KCNS3: variants seen among roughly 807,000 people sequenced by gnomAD.
KCNS3 encodes the protein potassium voltage-gated channel modifier subfamily S member 3, also known as delayed-rectifier potassium channel regulatory subunit KCNS3.
KCNS3 carries 13 observed loss-of-function variants against 31.0 expected under a neutral mutation model. The observed-to-expected ratio is 0.42, with a 90% confidence interval of 0.27 to 0.67. The LOEUF (loss-of-function observed/expected upper bound fraction) is 0.67, where lower values mean the gene tolerates loss of function less well. Ranked by LOEUF, KCNS3 falls within the 30% of genes least tolerant of loss-of-function variation. The probability of loss-of-function intolerance (pLI) is 0.25; values close to 1 mark genes in which losing one functional copy is unlikely to be tolerated. For synonymous variants in KCNS3, 238 were observed against 241.5 expected, an observed-to-expected ratio of 0.99 and a Z score of 0.13; for missense variants, 545 against 622.4, an observed-to-expected ratio of 0.88 and a Z score of 1.32.
intron 1 of KCNS3, among the ~76,000 whole-genome samples, chr2:17,885,293 C>T (rs1476105246): frequency 6.6e-6 from 1 of 152,122 alleles, no homozygotes; most frequent in Non-Finnish European, 1.5e-5. Context: ...CTCCTCCTTA[C>T]CTGGTCTTCT....
intron 2 of KCNS3, among the ~76,000 whole-genome samples, chr2:17,920,225 A>C (rs1260279664): frequency 3.3e-5 from 5 of 152,154 alleles, no homozygotes; most frequent in Admixed American, 6.5e-5. Context: ...CTGGGTTTTT[A>C]TTTACTTTTA....
rs181873424 is a variant in KCNS3, at chr2:17,889,230, G to C, written c.-252+10424G>C. Among the ~76,000 whole-genome samples, 346 of 152,140 alleles carry C rather than the reference G, an allele frequency of 2.3e-3. 2 individuals carry two copies. The highest frequency in any genetic ancestry group is 8.2e-3 in the African/African-American group (339 of 41,514). ...AGTTCTTGATTTGATTCTCCGCTTG[G>C]TCGCTGTTGGTGTATAGAAGAGCTA... On this transcript the variant is annotated intron_variant, in intron 1 of 2. Transcript: ENST00000304101.
chr2:17,931,596 G>C lies in KCNS3; in HGVS notation c.588G>C (p.Leu196=). The change falls in exon 3 of 3, where the codon CTG becomes CTC. Residue 196 remains leucine (L), a synonymous_variant. Transcript: ENST00000304101. This position sits in a 1 kb window ranked among gnomAD's most constrained non-coding sequence, Gnocchi z 5.4. ...LIAISSLSVV[L]ASIVAMCVHS... is the part of the protein sequence containing the mutation. Reference sequence around the variant, plus strand: ...CTATCTCCTCCTTGAGCGTGGTGCTGGCCTCCATCGTGGCCATGTGCGTTC... The same window carrying C: ...CTATCTCCTCCTTGAGCGTGGTGCTCGCCTCCATCGTGGCCATGTGCGTTC... 1.2e-6 allele frequency: 2 copies of C among 1,614,160 alleles called. No individual in the cohort carries two copies. Among genetic ancestry groups the C allele is most frequent in the Non-Finnish European group, 8.5e-7 (1 of 1,180,026 alleles).
At chr2:17,897,793 C>CA (rs1431020786) in intron 1 of KCNS3, among the ~76,000 whole-genome samples, 10 of 152,100 alleles carry the variant, frequency 6.6e-5, no homozygotes, top group African/African-American at 2.2e-4. Context: ...TCCCACTAGT[C>CA]AATTATTTTT....
intron 1 of KCNS3, among the ~76,000 whole-genome samples, chr2:17,892,578 G>A (rs1172213821): frequency 6.6e-6 from 1 of 152,146 alleles, no homozygotes; most frequent in South Asian, 2.1e-4. Context: ...TCAGAGGGAA[G>A]GTCTAGGGCT....
Position 17,932,550 on chromosome 2 carries a change from C to T in KCNS3, c.*66C>T, listed in dbSNP as rs1663028358. 6.7e-7 allele frequency: 1 copy of T among 1,494,790 alleles called. No homozygotes were observed. The highest frequency in any genetic ancestry group is 1.4e-5 in the African/African-American group (1 of 71,604). The allele number at this position is 1,494,790 out of a possible 1,614,324, so 92.6% of individuals were successfully genotyped here. ...ATTAGGTTAACACAGCTTTATAAAC[C>T]TCAGTGGGTTCGTTAAAATCATTTA... On this transcript the variant is annotated 3_prime_UTR_variant, in exon 3 of 3. Coordinates refer to ENST00000304101, the MANE Select transcript of KCNS3 (RefSeq NM_002252.5).
chr2:17,905,703 C>T (rs566665736), intron 1 of KCNS3, among the ~76,000 whole-genome samples: 1 of 152,274 alleles, frequency 6.6e-6, no homozygotes, highest in South Asian at 2.1e-4. Context: ...GCCTTTTCTG[C>T]ATCTATTGAG....
chr2:17,887,484 G>T (rs1347570497), intron 1 of KCNS3, among the ~76,000 whole-genome samples: 1 of 146,242 alleles, frequency 6.8e-6, no homozygotes, highest in African/African-American at 2.6e-5. Context: ...TCTATCATAT[G>T]ATCTATCTAT....
chr2:17,921,952 T>TAA (rs1662725174), intron 2 of KCNS3, among the ~76,000 whole-genome samples: 1 of 133,794 alleles, frequency 7.5e-6, no homozygotes. Flanking sequence ...TATATATATA[T>TAA]ATATATAAAT....
chr2:17,919,439 A>C (rs1443079703), intron 2 of KCNS3: 1 of 152,214 alleles, frequency 6.6e-6, no homozygotes, highest in Middle Eastern at 3.2e-3. Context: ...ATAGATGAAG[A>C]CTTCACCTGC....
At chr2:17,909,735 T>A (rs73918977) in intron 1 of KCNS3, among the ~76,000 whole-genome samples, 4,094 of 152,016 alleles carry the variant, frequency 0.027, 144 homozygotes, top group African/African-American at 0.08. Flanking sequence ...AGGCAGAGGG[T>A]TCAGCCACTG....
At chr2:17,893,707 G>A (rs1366024569) in intron 1 of KCNS3, among the ~76,000 whole-genome samples, 1 of 152,164 alleles carries the variant, frequency 6.6e-6, no homozygotes, top group Non-Finnish European at 1.5e-5. Flanking sequence ...GGGGGTGTGT[G>A]TTTGGGGGAG....
rs115442399 is a variant in KCNS3, at chr2:17,911,106, C to T, written c.-251-6574C>T. On this transcript the variant is annotated intron_variant, in intron 1 of 2. Transcript: ENST00000304101. ...TACTACCTATTCATGTAGCTGTCCC[C>T]GCTTCCTTATCTCGAGGGACTCTAC... Among the ~76,000 whole-genome samples the T allele has an allele frequency of 4.0e-3, 606 of 152,300 alleles. 3 individuals carry two copies. The highest frequency in any genetic ancestry group is 0.013 in the African/African-American group (535 of 41,552).
At chr2:17,903,683 C>T (rs1173430380) in intron 1 of KCNS3, among the ~76,000 whole-genome samples, 1 of 151,844 alleles carries the variant, frequency 6.6e-6, no homozygotes. Flanking sequence ...GTTCAGTTCC[C>T]ACCTATGAGT....
chr2:17,920,777 T>G (rs963289940), intron 2 of KCNS3, among the ~76,000 whole-genome samples: 1 of 152,226 alleles, frequency 6.6e-6, no homozygotes, highest in African/African-American at 2.4e-5. Context: ...CAGATGTGCC[T>G]GATTTTAGAC....
chr2:17,898,835 G>A (rs529776622), intron 1 of KCNS3, among the ~76,000 whole-genome samples: 1 of 152,266 alleles, frequency 6.6e-6, no homozygotes, highest in East Asian at 1.9e-4. Context: ...TACCTAGAGT[G>A]GGTCAAATTA....
chr2:17,886,582 C>T (rs1000914695), intron 1 of KCNS3, among the ~76,000 whole-genome samples: 1 of 152,256 alleles, frequency 6.6e-6, no homozygotes, highest in South Asian at 2.1e-4. Context: ...CAGGCTTGAG[C>T]TTCCATGACA....
intron 1 of KCNS3, among the ~76,000 whole-genome samples, chr2:17,910,039 C>T (rs1662434341): frequency 1.3e-5 from 2 of 152,154 alleles, no homozygotes; most frequent in Non-Finnish European, 1.5e-5. Context: ...ACCCTATGGA[C>T]CCCTTTTCAG....
At position 17,932,399 on chromosome 2, in the gene KCNS3, A is replaced by G. The variant is rs1272748927; in HGVS notation, c.1391A>G (p.Asp464Gly). The change falls in exon 3 of 3, where the codon GAT becomes GGT. Residue 464 changes from aspartate (D) to glycine (G), a missense_variant. Physicochemically the swap from Asp to Gly is moderately conservative, Grantham distance 94 (BLOSUM62 -1). Transcript: ENST00000304101. ...TCTTCTGTAGGCATTGTGGTGAGCGATCCTGACTCCACAGATGCTTCAAGC... is the reference window on the plus strand; with the variant it reads ...TCTTCTGTAGGCATTGTGGTGAGCGGTCCTGACTCCACAGATGCTTCAAGC... ...SLSSVGIVVSDPDSTDASSIE... is the reference protein window; with the variant it reads ...SLSSVGIVVSGPDSTDASSIE... 4 of 1,613,958 alleles carry G rather than the reference A, an allele frequency of 2.5e-6. No individual in the cohort carries two copies. The Admixed American group carries it at 6.7e-5, about 27-fold the overall frequency.
Sources: allele counts gnomAD v4.1 joint callset (sites outside exome capture counted in the v4.1 genomes callset), GRCh38; gene constraint gnomAD v4.1.1; non-coding constraint Gnocchi (gnomAD v3.1); transcripts MANE v1.5; gene names NCBI Gene and HGNC (gene_info 2026-07-23, HGNC 2026-07-21).